The following COL23A1 variants were observed in gnomAD, a reference collection of about 807,000 sequenced individuals.
COL23A1 encodes the protein collagen alpha-1(XXIII) chain.
Under a neutral mutation model 99.3 loss-of-function variants are expected in COL23A1, and 97 were observed. That is an observed-to-expected ratio of 0.98 (90% CI 0.83 to 1.16). The LOEUF is 1.16. Ranked by LOEUF, COL23A1 falls within the 50% of genes most tolerant of loss-of-function variation. The pLI, the probability that COL23A1 is intolerant of heterozygous loss-of-function variation, is 0.00. For synonymous variants in COL23A1, 320 were observed against 308.2 expected, an observed-to-expected ratio of 1.04 and a Z score of -0.40; for missense variants, 762 against 757.4, an observed-to-expected ratio of 1.01 and a Z score of -0.07.
chr5:178,445,921 C>A (rs981431460), intron 2 of COL23A1, among the ~76,000 whole-genome samples: 1 of 152,088 alleles, frequency 6.6e-6, no homozygotes, highest in East Asian at 1.9e-4. Flanking sequence ...GTGTAAAAAT[C>A]TTTTCCTTAT....
chr5:178,398,629 C>T (rs1281316933), intron 2 of COL23A1, among the ~76,000 whole-genome samples: 1 of 152,140 alleles, frequency 6.6e-6, no homozygotes, highest in African/African-American at 2.4e-5. Context: ...TCTGTTCCCC[C>T]ACCAAAAATA....
At chr5:178,508,261 A>G (rs1758992727) in intron 2 of COL23A1, among the ~76,000 whole-genome samples, 1 of 152,164 alleles carries the variant, frequency 6.6e-6, no homozygotes, top group African/African-American at 2.4e-5. Context: ...CATTTGTTCC[A>G]AACACATCTG....
At chr5:178,242,184 CA>C (rs1764440069) in intron 26 of COL23A1, 56 bp from the exon 27 acceptor site, 1 of 1,500,368 alleles carries the variant, frequency 6.7e-7, no homozygotes, top group East Asian at 2.5e-5. Context: ...TAGGAACCTC[CA>C]ACATCTCTCC....
At chr5:178,422,543 C>T (rs1314336614) in intron 2 of COL23A1, among the ~76,000 whole-genome samples, 1 of 152,158 alleles carries the variant, frequency 6.6e-6, no homozygotes, top group Non-Finnish European at 1.5e-5. Context: ...AGAGGCACAT[C>T]ATCCCCCCGC....
chr5:178,280,744 A>AC lies in COL23A1; in HGVS notation c.441+7579dup, dbSNP rs1485409027. Reference sequence around the variant, plus strand: ...GGCAAAACAGCAAAGCGCAGGACCAACCCCCTCTGCTGGGCCCCCTACACT... The same window carrying AC: ...GGCAAAACAGCAAAGCGCAGGACCAACCCCCCTCTGCTGGGCCCCCTACACT... On this transcript the variant is annotated intron_variant, in intron 5 of 28. Coordinates refer to ENST00000390654, the MANE Select transcript of COL23A1 (RefSeq NM_173465.4). The surrounding 1 kb of genome is among the most constrained non-coding windows in gnomAD (Gnocchi z 4.9). 1.3e-5 allele frequency among the ~76,000 whole-genome samples: 2 copies of AC among 151,772 alleles called. No individual in the cohort carries two copies. Among genetic ancestry groups the AC allele is most frequent in the African/African-American group, 4.8e-5 (2 of 41,276 alleles).
intron 2 of COL23A1, among the ~76,000 whole-genome samples, chr5:178,398,281 C>A (rs140594798): frequency 1.3e-5 from 2 of 152,156 alleles, no homozygotes; most frequent in African/African-American, 4.8e-5. Flanking sequence ...TGCTTTCACA[C>A]GTTTATTTGT....
intron 3 of COL23A1, among the ~76,000 whole-genome samples, chr5:178,293,051 A>G (rs1757545851): frequency 6.6e-6 from 1 of 151,734 alleles, no homozygotes; most frequent in African/African-American, 2.4e-5. Context: ...GGTTTCAGAG[A>G]GAAGGGGGTT....
At chr5:178,305,830 G>A (rs1032282612) in intron 3 of COL23A1, among the ~76,000 whole-genome samples, 1 of 152,172 alleles carries the variant, frequency 6.6e-6, no homozygotes, top group Admixed American at 6.5e-5. Flanking sequence ...ACATGGAGAA[G>A]GAGGCTCATG....
intron 2 of COL23A1, among the ~76,000 whole-genome samples, chr5:178,545,236 G>GCCC (rs1485918921): frequency 6.6e-6 from 1 of 152,182 alleles, no homozygotes; most frequent in Non-Finnish European, 1.5e-5. Context: ...CCTGGGCTAT[G>GCCC]CCCTCCTCTT....
At chr5:178,373,548 C>G (rs950408977) in intron 2 of COL23A1, among the ~76,000 whole-genome samples, 4 of 152,212 alleles carry the variant, frequency 2.6e-5, no homozygotes, top group Non-Finnish European at 4.4e-5. Context: ...TCCCAAGTAG[C>G]TGGGACTACA....
At chr5:178,421,468 A>G (rs1765629446) in intron 2 of COL23A1, among the ~76,000 whole-genome samples, 1 of 151,826 alleles carries the variant, frequency 6.6e-6, no homozygotes, top group Non-Finnish European at 1.5e-5. Context: ...CAAGATAAGC[A>G]TGCTACCCAC....
chr5:178,579,481 T>G (rs1763551908), intron 1 of COL23A1, among the ~76,000 whole-genome samples: 1 of 151,964 alleles, frequency 6.6e-6, no homozygotes. Flanking sequence ...TGAGACGGAG[T>G]CTTGCTCTGT....
chr5:178,414,241 A>G (rs1242538692), intron 2 of COL23A1, among the ~76,000 whole-genome samples: 1 of 152,164 alleles, frequency 6.6e-6, no homozygotes, highest in Non-Finnish European at 1.5e-5. Flanking sequence ...TCCCACAGCA[A>G]CAGCAGTGCT....
At chr5:178,586,325 A>G (rs1416844735) in intron 1 of COL23A1, among the ~76,000 whole-genome samples, 1 of 152,218 alleles carries the variant, frequency 6.6e-6, no homozygotes, top group Non-Finnish European at 1.5e-5. Context: ...GAGGAGAGGC[A>G]GTGGAAGAGG....
rs369986281 is a variant in COL23A1, at chr5:178,248,986, G to A, written c.1149+131C>T. ...CTGGCCCAGAGCCTAGAGTGTCCCCGGCCGGCTGGGCACTGAGACCGCAGG... is the reference window on the plus strand; with the variant it reads ...CTGGCCCAGAGCCTAGAGTGTCCCCAGCCGGCTGGGCACTGAGACCGCAGG... On this transcript the variant is annotated intron_variant, in intron 19 of 28. Coordinates refer to ENST00000390654, the MANE Select transcript of COL23A1 (RefSeq NM_173465.4). 421 of 836,754 alleles carry A rather than the reference G, an allele frequency of 5.0e-4. 2 individuals carry two copies. The East Asian group carries it at 6.0e-3, about 12-fold the overall frequency. The allele number at this position is 836,754 out of a possible 1,614,324, so 51.8% of individuals were successfully genotyped here.
chr5:178,479,975 T>A (rs1369788173), intron 2 of COL23A1, among the ~76,000 whole-genome samples: 1 of 152,042 alleles, frequency 6.6e-6, no homozygotes, highest in Non-Finnish European at 1.5e-5. Context: ...GTACAGCCTG[T>A]TACTGTGCTG....
intron 2 of COL23A1, among the ~76,000 whole-genome samples, chr5:178,345,678 G>A (rs764974732): frequency 3.3e-5 from 5 of 151,452 alleles, no homozygotes; most frequent in South Asian, 2.1e-4. Context: ...CACCACGCCC[G>A]GCTAATTTTT....
chr5:178,279,979 C>A (rs149640025), intron 5 of COL23A1, among the ~76,000 whole-genome samples: 1 of 152,232 alleles, frequency 6.6e-6, no homozygotes, highest in Admixed American at 6.5e-5. Context: ...TGGGGAGGGA[C>A]CCCTGGATGT....
Position 178,306,286 on chromosome 5 carries a change from T to G in COL23A1, c.406+589A>C, listed in dbSNP as rs1050289659. 6.8e-6 allele frequency among the ~76,000 whole-genome samples: 1 copy of G among 146,508 alleles called. No homozygotes were observed. The highest frequency in any genetic ancestry group is 2.5e-5 in the African/African-American group (1 of 39,228). ...TGTGGCCATCAGAGGTCAGCATGACTTTAGCTAAGACGATGTCAGAGGGGC... is the reference window on the plus strand; with the variant it reads ...TGTGGCCATCAGAGGTCAGCATGACGTTAGCTAAGACGATGTCAGAGGGGC... On this transcript the variant is annotated intron_variant, in intron 3 of 28. Transcript: ENST00000390654. This position sits in a 1 kb window ranked among gnomAD's most constrained non-coding sequence, Gnocchi z 4.1.
Sources: gnomAD v4.1 joint callset for allele counts (sites outside exome capture counted in the v4.1 genomes callset) on GRCh38, gnomAD v4.1.1 for gene constraint, Gnocchi (gnomAD v3.1) non-coding constraint, MANE v1.5 for transcripts, NCBI Gene and HGNC (gene_info 2026-07-23, HGNC 2026-07-21) for gene names.